STS: variants seen among roughly 807,000 people sequenced by gnomAD.
STS encodes the protein steryl-sulfatase.
A neutral mutation model predicts 26.8 loss-of-function variants in STS; 7 were observed. The observed-to-expected ratio is 0.26, with a 90% confidence interval of 0.15 to 0.49. STS has a LOEUF of 0.49. Among genes scored for constraint, STS ranks in the 20% least tolerant of loss-of-function variants. The probability of loss-of-function intolerance (pLI) is 0.98; values close to 1 mark genes in which losing one functional copy is unlikely to be tolerated. For synonymous variants in STS, 199 were observed against 189.4 expected (o/e 1.05, Z -0.42); for missense variants, 434 against 465.6 (o/e 0.93, Z 0.63).
intron 2 of STS, among the ~76,000 whole-genome samples, chrX:7,196,036 C>T (rs1344693085): frequency 8.9e-6 from 1 of 112,135 alleles, no homozygotes; most frequent in African/African-American, 3.2e-5. Context: ...AATTTTTCCT[C>T]TACCCTGTCT....
At chrX:7,329,644 G>T (rs771487304) in intron 9 of STS, among the ~76,000 whole-genome samples, 1 of 112,430 alleles carries the variant, frequency 8.9e-6, no homozygotes, top group South Asian at 3.7e-4. Flanking sequence ...TCATTCAGAC[G>T]GTTGGACCCA....
At position 7,259,580 on chromosome X, in the gene STS, A is replaced by G. The variant is rs1923623074; in HGVS notation, c.614A>G (p.His205Arg). 1 of 1,210,993 alleles carries G rather than the reference A, an allele frequency of 8.3e-7. No homozygotes were observed. The highest frequency in any genetic ancestry group is 1.1e-6 in the Non-Finnish European group (1 of 895,208). ...LAALNCLGLL[H>R]VPLGVFFSLL... The stretch of plus-strand genomic sequence containing the variant: ...GCACTCAATTGTCTGGGGCTACTCC[A>G]CGTGCCTCTAGGCGTTTTTTTCAGC... The change falls in exon 6 of 11, where the codon CAC (histidine) becomes CGC (arginine). Residue 205 changes from histidine (H) to arginine (R), a missense_variant. Transcript: ENST00000674429.
At chrX:7,323,543 AG>A (rs1189023327) in intron 8 of STS, among the ~76,000 whole-genome samples, 2 of 111,828 alleles carry the variant, frequency 1.8e-5, no homozygotes, top group African/African-American at 3.3e-5. Flanking sequence ...GTTGCTACAA[AG>A]GACAATATTT....
chrX:7,342,001 G>A (rs1034128818), intron 10 of STS, among the ~76,000 whole-genome samples: 2 of 110,111 alleles, frequency 1.8e-5, no homozygotes, highest in East Asian at 2.9e-4. Context: ...TAGTAGAGAC[G>A]GGGTTTCACC....
intron 2 of STS, among the ~76,000 whole-genome samples, chrX:7,232,948 C>T (rs769099959): frequency 1.8e-5 from 2 of 111,109 alleles, no homozygotes. Flanking sequence ...TCTCTCCTGT[C>T]GCCATGCAAA....
intron 6 of STS, among the ~76,000 whole-genome samples, chrX:7,268,259 A>G (rs1416129953): frequency 4.5e-5 from 5 of 112,168 alleles, no homozygotes; most frequent in Non-Finnish European, 9.4e-5. Context: ...CCTAAAATCT[A>G]TGACAGCTGA....
chrX:7,283,027 A>G (rs1252473757), intron 7 of STS, among the ~76,000 whole-genome samples: 4 of 112,301 alleles, frequency 3.6e-5, no homozygotes, highest in African/African-American at 1.3e-4. Flanking sequence ...TGTAAGACCC[A>G]AAAAAACAAA....
At chrX:7,238,533 G>C (rs1192136088) in intron 2 of STS, among the ~76,000 whole-genome samples, 17 of 110,806 alleles carry the variant, frequency 1.5e-4, no homozygotes, top group Non-Finnish European at 1.7e-4. Flanking sequence ...AGAGAAGGGG[G>C]AAAATAAGGG....
intron 1 of STS, among the ~76,000 whole-genome samples, chrX:7,153,891 A>C (rs1430550443): frequency 1.9e-4 from 15 of 78,122 alleles, no homozygotes; most frequent in Middle Eastern, 9.2e-3. Flanking sequence ...CTCCTGCTCA[A>C]CTCCCTCCCT....
At chrX:7,243,671 G>A (rs777756523) in intron 2 of STS, among the ~76,000 whole-genome samples, 1 of 111,956 alleles carries the variant, frequency 8.9e-6, no homozygotes, top group Admixed American at 9.5e-5. Flanking sequence ...AGGAAGAATC[G>A]TGGTGATCTG....
chrX:7,255,956 G>A (rs145628638), intron 3 of STS, among the ~76,000 whole-genome samples: 44 of 112,252 alleles, frequency 3.9e-4, no homozygotes, highest in African/African-American at 1.4e-3. Context: ...CACCCTACAG[G>A]CAGCCATCTT....
At chrX:7,343,084 A>G (rs1928365127) in intron 10 of STS, among the ~76,000 whole-genome samples, 1 of 111,225 alleles carries the variant, frequency 9.0e-6, no homozygotes, top group Non-Finnish European at 1.9e-5. Flanking sequence ...ATGGTTCTTG[A>G]AGAACTTCAA....
At chrX:7,267,699 C>A (rs1170357601) in intron 6 of STS, among the ~76,000 whole-genome samples, 2 of 112,231 alleles carry the variant, frequency 1.8e-5, no homozygotes, top group African/African-American at 6.5e-5. Flanking sequence ...TACACACCTA[C>A]ATAATCTGTA....
Position 7,276,028 on chromosome X carries a change from C to T in STS, c.884C>T (p.Ala295Val), listed in dbSNP as rs774467396. 1.1e-5 allele frequency: 13 copies of T among 1,199,174 alleles called. No individual in the cohort carries two copies. In the South Asian group the frequency reaches 1.2e-4, roughly 11 times the overall value. Residue 295 changes from alanine (A) to valine (V), a missense_variant, in exon 7 of 11, where the codon GCT (alanine) becomes GTT (valine). Physicochemically the swap from Ala to Val is moderately conservative, Grantham distance 64. This residue lies in a region of STS where 229 missense variants were observed against 288.3 expected (regional missense o/e 0.79). Transcript: ENST00000674429. The stretch of plus-strand genomic sequence containing the variant: ...GCCCTGTTCTCCAGCAAAGACTTTG[C>T]TGGCAAAAGTCAACACGGAGTCTAC... ...HTALFSSKDF[A>V]GKSQHGVYGD...
intron 1 of STS, among the ~76,000 whole-genome samples, chrX:7,162,882 TAA>T (rs758518020): frequency 2.0e-4 from 10 of 49,762 alleles, no homozygotes; most frequent in African/African-American, 1.6e-4. Flanking sequence ...CCGTCTATAC[TAA>T]AAAAAAAAAA....
intron 2 of STS, among the ~76,000 whole-genome samples, chrX:7,208,214 C>T (rs1184396173): frequency 8.9e-6 from 1 of 111,898 alleles, no homozygotes; most frequent in African/African-American, 3.2e-5. Flanking sequence ...ATTCTTCAAC[C>T]CTTTATACTT....
chrX:7,336,589 C>T (rs925094319), intron 10 of STS, among the ~76,000 whole-genome samples: 1 of 111,806 alleles, frequency 8.9e-6, no homozygotes, highest in Non-Finnish European at 1.9e-5. Context: ...TCACATATCT[C>T]ATCCATGTGG....
chrX:7,170,032 C>T (rs189176352), intron 1 of STS, among the ~76,000 whole-genome samples: 210 of 111,264 alleles, frequency 1.9e-3, no homozygotes, highest in Middle Eastern at 0.014. Flanking sequence ...GGTTTTATTT[C>T]TCTATTCCCG....
At chrX:7,252,868 C>A (rs904821966) in intron 2 of STS, among the ~76,000 whole-genome samples, 6 of 111,641 alleles carry the variant, frequency 5.4e-5, no homozygotes, top group Non-Finnish European at 1.1e-4. Flanking sequence ...AGCTACTAAA[C>A]CAGGACAGGC....
Sources: gnomAD v4.1 joint callset for allele counts (sites outside exome capture counted in the v4.1 genomes callset) on GRCh38, gnomAD v4.1.1 for gene constraint, gnomAD v4.1.1 regional missense constraint, MANE v1.5 for transcripts, NCBI Gene and HGNC (gene_info 2026-07-23, HGNC 2026-07-21) for gene names.